Variants in NAV2 observed in about 807,000 individuals in gnomAD.
NAV2 encodes the protein helicase, APC down-regulated 1.
Under a neutral mutation model 223.2 loss-of-function variants are expected in NAV2, and 54 were observed. The ratio of observed to expected loss-of-function variants is 0.24; its 90% confidence interval spans 0.19 to 0.30. The LOEUF (loss-of-function observed/expected upper bound fraction) is 0.30. NAV2 is among the 10% of genes least tolerant of loss of function. The pLI, the probability that NAV2 is intolerant of heterozygous loss-of-function variation, is 1.00. For missense variants in NAV2, 2,806 were observed against 3,147.5 expected (o/e 0.89, Z 2.60); for synonymous variants, 1,279 against 1,239.3 (o/e 1.03, Z -0.67).
At chr11:19,491,550 C>T (rs1344761382) in intron 1 of NAV2, among the ~76,000 whole-genome samples, 3 of 152,242 alleles carry the variant, frequency 2.0e-5, no homozygotes, top group South Asian at 2.1e-4. Flanking sequence ...TCTCAGGCTT[C>T]GTGGAATTGA....
chr11:19,425,703 G>T (rs1306828484), intron 1 of NAV2, among the ~76,000 whole-genome samples: 1 of 152,170 alleles, frequency 6.6e-6, no homozygotes, highest in Non-Finnish European at 1.5e-5. Flanking sequence ...GATAATGGAG[G>T]ATTATCCAGA....
chr11:19,661,426 T>G (rs1251463310), intron 1 of NAV2, among the ~76,000 whole-genome samples: 1 of 152,216 alleles, frequency 6.6e-6, no homozygotes, highest in African/African-American at 2.4e-5. Context: ...GATGAGGTGA[T>G]TCAAAGTCAA....
intron 1 of NAV2, among the ~76,000 whole-genome samples, chr11:19,715,314 C>G (rs1329473687): frequency 6.6e-6 from 1 of 152,144 alleles, no homozygotes; most frequent in Admixed American, 6.5e-5. Flanking sequence ...CTCCAGTGCT[C>G]CGGGGGCCTG....
At chr11:19,742,124 A>G (rs2052893986) in intron 1 of NAV2, among the ~76,000 whole-genome samples, 1 of 152,108 alleles carries the variant, frequency 6.6e-6, no homozygotes. Context: ...GCACCTTGTC[A>G]TACACCTGTT....
chr11:20,087,040 G>C (rs1274455198), intron 26 of NAV2, among the ~76,000 whole-genome samples: 1 of 152,172 alleles, frequency 6.6e-6, no homozygotes, highest in Non-Finnish European at 1.5e-5. Context: ...GAGGGCAAGA[G>C]GGCAAGAGGA....
At chr11:20,052,131 T>G (rs559840715) in intron 17 of NAV2, among the ~76,000 whole-genome samples, 1 of 152,254 alleles carries the variant, frequency 6.6e-6, no homozygotes, top group Admixed American at 6.5e-5. Flanking sequence ...CCACATGCCC[T>G]GTAGCATCAG....
At chr11:20,110,819 G>T (rs529388200) in intron 36 of NAV2, among the ~76,000 whole-genome samples, 1 of 152,266 alleles carries the variant, frequency 6.6e-6, no homozygotes, top group Admixed American at 6.5e-5. Flanking sequence ...CACCTAACCC[G>T]GGTAAGTGGC....
chr11:19,389,011 G>A (rs1318503835), intron 1 of NAV2, among the ~76,000 whole-genome samples: 3 of 152,154 alleles, frequency 2.0e-5, no homozygotes, highest in African/African-American at 7.2e-5. Context: ...TATGAGCCAA[G>A]CTCATTTTTG....
At position 20,114,410 on chromosome 11, in the gene NAV2, A is replaced by G. The variant is rs896245871; in HGVS notation, c.6961-182A>G. 8.1e-6 allele frequency: 5 copies of G among 619,662 alleles called. No homozygotes were observed. The African/African-American group carries it at 9.2e-5, about 11-fold the overall frequency. 38.4% of individuals were successfully genotyped at this position (619,662 alleles called of 1,614,324 possible). A position where few individuals can be genotyped will look rare whatever the true frequency, so the allele number is the denominator to read the frequency against. On this transcript the variant is annotated intron_variant, in intron 36 of 37. Coordinates refer to ENST00000349880, the MANE Select transcript of NAV2 (RefSeq NM_145117.5). ...TAGACCACTGGGTCATGCTGCCTTCAGCCTTAGCACCTCGAACTGTCTGCA... is the reference window on the plus strand; with the variant it reads ...TAGACCACTGGGTCATGCTGCCTTCGGCCTTAGCACCTCGAACTGTCTGCA...
At chr11:19,400,888 T>C (rs2133306541) in intron 1 of NAV2, among the ~76,000 whole-genome samples, 1 of 152,346 alleles carries the variant, frequency 6.6e-6, no homozygotes, top group South Asian at 2.1e-4. Context: ...GCAGTTCTAA[T>C]CTGACCAGCT....
chr11:19,851,822 C>T (rs57549454), intron 3 of NAV2, among the ~76,000 whole-genome samples: 3 of 152,264 alleles, frequency 2.0e-5, no homozygotes, highest in African/African-American at 7.2e-5. Flanking sequence ...TTTCCAAATG[C>T]GATTAAGGAT....
intron 1 of NAV2, among the ~76,000 whole-genome samples, chr11:19,484,911 G>C (rs2042392463): frequency 6.6e-6 from 1 of 152,230 alleles, no homozygotes; most frequent in Non-Finnish European, 1.5e-5. Context: ...GGAGGACCCT[G>C]TGTGGTGAAT....
intron 1 of NAV2, among the ~76,000 whole-genome samples, chr11:19,360,799 A>G (rs1489421576): frequency 2.6e-5 from 4 of 152,194 alleles, no homozygotes; most frequent in Non-Finnish European, 2.9e-5. Flanking sequence ...TGATGGAATC[A>G]TCTCTTGAAT....
intron 10 of NAV2, among the ~76,000 whole-genome samples, chr11:19,967,364 C>T (rs542265408): frequency 4.2e-4 from 64 of 151,358 alleles, no homozygotes; most frequent in African/African-American, 1.4e-3. Context: ...GTCTTATTCT[C>T]GGTGCTAGGT....
intron 1 of NAV2, among the ~76,000 whole-genome samples, chr11:19,395,116 T>C (rs1236865311): frequency 2.0e-5 from 3 of 152,158 alleles, no homozygotes; most frequent in Non-Finnish European, 2.9e-5. Flanking sequence ...TTGGGACCAA[T>C]GAGGAAGAGT....
chr11:19,930,407 T>TGG, intron 6 of NAV2, among the ~76,000 whole-genome samples: 1 of 152,292 alleles, frequency 6.6e-6, no homozygotes, highest in East Asian at 1.9e-4. Context: ...CATGTACACG[T>TGG]GGGGACTATG....
intron 4 of NAV2, among the ~76,000 whole-genome samples, chr11:19,872,384 G>A (rs536583918): frequency 5.7e-4 from 87 of 152,308 alleles, no homozygotes; most frequent in African/African-American, 2.0e-3. Flanking sequence ...TTATAAAAAG[G>A]AGGCCCACAA....
chr11:19,747,344 C>T (rs1590284757), intron 1 of NAV2, among the ~76,000 whole-genome samples: 1 of 152,186 alleles, frequency 6.6e-6, no homozygotes, highest in East Asian at 1.9e-4. Flanking sequence ...TACTTTCTCA[C>T]CACTCATTAT....
intron 5 of NAV2, among the ~76,000 whole-genome samples, chr11:19,883,188 G>T (rs545941126): frequency 4.6e-5 from 7 of 152,136 alleles, no homozygotes; most frequent in Non-Finnish European, 1.0e-4. Flanking sequence ...CAGCACCCCT[G>T]GGGGGTAGCA....
Sources: gnomAD v4.1 joint callset for allele counts (sites outside exome capture counted in the v4.1 genomes callset) on GRCh38, gnomAD v4.1.1 for gene constraint, MANE v1.5 for transcripts, NCBI Gene and HGNC (gene_info 2026-07-23, HGNC 2026-07-21) for gene names.